The following NUP160 variants were observed in gnomAD, a reference collection of about 807,000 sequenced individuals.
NUP160 encodes the protein nucleoporin 160.
A neutral mutation model predicts 196.9 loss-of-function variants in NUP160; 94 were observed. The observed-to-expected ratio is 0.48, with a 90% CI of 0.40 to 0.57. The LOEUF (loss-of-function observed/expected upper bound fraction) is 0.57. Among genes scored for constraint, NUP160 ranks in the 20% least tolerant of loss-of-function variants. The probability of loss-of-function intolerance (pLI) is 0.00; values close to 1 mark genes in which losing one functional copy is unlikely to be tolerated. For synonymous variants in NUP160, 605 were observed against 619.7 expected (o/e 0.98, Z 0.35); for missense variants, 1,638 against 1,748.3 (o/e 0.94, Z 1.13).
intron 7 of NUP160, among the ~76,000 whole-genome samples, chr11:47,835,097 C>T (rs1426549300): frequency 1.3e-5 from 2 of 152,136 alleles, no homozygotes; most frequent in Non-Finnish European, 2.9e-5. Context: ...GAGACAGACC[C>T]TACCTCACTG....
intron 12 of NUP160, 97 bp from the exon 13 acceptor site, chr11:47,815,746 C>T: frequency 9.1e-7 from 1 of 1,096,488 alleles, no homozygotes; most frequent in South Asian, 1.6e-5. Flanking sequence ...TACTAAGCTA[C>T]AGCCAAATGA....
chr11:47,779,243 A>G (rs1244180324), intron 35 of NUP160, 49 bp from the exon 36 acceptor site: 2 of 1,229,258 alleles, frequency 1.6e-6, no homozygotes, highest in South Asian at 1.3e-5. Context: ...AACAATGGAA[A>G]AATATTGAAG....
intron 27 of NUP160, among the ~76,000 whole-genome samples, chr11:47,797,287 G>A (rs2135357006): frequency 6.6e-6 from 1 of 152,242 alleles, no homozygotes; most frequent in South Asian, 2.1e-4. Flanking sequence ...ATGGAGTGAA[G>A]TGGCGTGATC....
chr11:47,812,751 G>A (rs2097681898), intron 15 of NUP160, 131 bp downstream of exon 15: 1 of 675,690 alleles, frequency 1.5e-6, no homozygotes, highest in South Asian at 2.2e-5. Flanking sequence ...TATGTACTTA[G>A]AATCATGGCG....
At chr11:47,806,240 A>T (rs1322180991) in exon 20 of NUP160, 7 of 1,613,694 alleles carry the variant, frequency 4.3e-6, no homozygotes, top group Non-Finnish European at 5.9e-6. Context: ...TGGCTGAGAG[A>T]AGAGGTGAGA....
chr11:47,813,660 T>A (rs1180526778), intron 13 of NUP160, among the ~76,000 whole-genome samples: 5 of 149,292 alleles, frequency 3.3e-5, no homozygotes, highest in African/African-American at 9.9e-5. Context: ...TGAAACCCCA[T>A]CTCTAAAAAA....
rs373363585 is a variant in NUP160, at chr11:47,808,374, T to A, written c.2375+22A>T. The A allele has an allele frequency of 1.9e-5, 30 of 1,593,030 alleles. No homozygotes were observed. In the African/African-American group the frequency reaches 3.5e-4, roughly 19 times the overall value. On this transcript the variant is annotated intron_variant, in intron 18 of 35. Coordinates refer to ENST00000378460, the Ensembl canonical transcript of NUP160. ...TTAAACTCACAATTTACATTTTAAA[T>A]AATTGGGATAATGAAACTCACAGTG...
rs1354961071 is a variant in NUP160, at chr11:47,812,233, A to C, written c.2081-9T>G. On this transcript the variant is annotated splice_polypyrimidine_tract_variant and intron_variant, in intron 16 of 35. Transcript: ENST00000378460. ...AATATTCAAAGGCTGAGCTGTAAAA[A>C]GAAGAAAAATGGAGTTGAATGCATC... is the stretch of plus-strand genomic sequence containing the variant. 2 of 1,613,952 alleles carry C rather than the reference A, an allele frequency of 1.2e-6. No homozygotes were observed. Among genetic ancestry groups the C allele is most frequent in the Admixed American group, 3.3e-5 (2 of 59,994 alleles).
At chr11:47,826,792 A>C (rs1472218398) in intron 7 of NUP160, among the ~76,000 whole-genome samples, 1 of 152,006 alleles carries the variant, frequency 6.6e-6, no homozygotes, top group Non-Finnish European at 1.5e-5. Context: ...CGAACTCCTG[A>C]CCTCAGGTGA....
At chr11:47,811,261 C>A (rs1389464605) in intron 17 of NUP160, among the ~76,000 whole-genome samples, 1 of 152,122 alleles carries the variant, frequency 6.6e-6, no homozygotes, top group Non-Finnish European at 1.5e-5. Context: ...GTAATCCCAG[C>A]ACTTTGGGAG....
chr11:47,807,063 T>G lies in NUP160; in HGVS notation c.2446+7A>C, dbSNP rs1344109675. The G allele has an allele frequency of 1.3e-6, 2 of 1,593,226 alleles. No homozygotes were observed. Among genetic ancestry groups the G allele is most frequent in the Non-Finnish European group, 1.7e-6 (2 of 1,161,260 alleles). ...AAAATGAAATGTGTACATAGTCCAC[T>G]CCTTACCAAACCTATTTGCCATTAA... is the stretch of plus-strand genomic sequence containing the variant. On this transcript the variant is annotated splice_region_variant and intron_variant, in intron 19 of 35. Transcript: ENST00000378460.
At chr11:47,829,245 G>T (rs1852030404) in intron 7 of NUP160, among the ~76,000 whole-genome samples, 1 of 152,168 alleles carries the variant, frequency 6.6e-6, no homozygotes, top group Non-Finnish European at 1.5e-5. Context: ...ACTATATAAT[G>T]ATGCTTTGGT....
chr11:47,803,685 CCT>C lies in NUP160; in HGVS notation c.2677-151_2677-150del, dbSNP rs113882783. ...CATAATTCTGATATTAAAACCTACC[CCT>C]GTTGCCTTCCTTCTTCATCCATTCC... On this transcript the variant is annotated intron_variant, in intron 21 of 35. Transcript: ENST00000378460. 5,873 of 598,940 alleles carry C rather than the reference CCT, an allele frequency of 9.8e-3. 267 individuals carry two copies. The highest frequency in any genetic ancestry group is 0.097 in the African/African-American group (5,239 of 54,066). The allele number at this position is 598,940 out of a possible 1,614,324, so 37.1% of individuals were successfully genotyped here. A position where few individuals can be genotyped will look rare whatever the true frequency, so the allele number is the denominator to read the frequency against.
chr11:47,783,725 CTATT>C (rs1007851114), intron 33 of NUP160, among the ~76,000 whole-genome samples: 69 of 152,098 alleles, frequency 4.5e-4, no homozygotes, highest in African/African-American at 1.6e-3. Context: ...CCCTACTTTC[CTATT>C]TATTTATTTT....
At chr11:47,842,571 G>A (rs1352913613) in intron 2 of NUP160, among the ~76,000 whole-genome samples, 4 of 152,014 alleles carry the variant, frequency 2.6e-5, no homozygotes, top group Non-Finnish European at 5.9e-5. Flanking sequence ...TCTGCTACCC[G>A]AATCACTCAG....
At chr11:47,836,771 C>G in intron 6 of NUP160, 116 bp downstream of exon 6, 1 of 615,526 alleles carries the variant, frequency 1.6e-6, no homozygotes, top group Non-Finnish European at 2.9e-6. Flanking sequence ...TGGCAGTGAC[C>G]AATAAGTTCC....
intron 33 of NUP160, 139 bp from the exon 34 acceptor site, chr11:47,783,337 A>C: frequency 9.0e-7 from 1 of 1,106,272 alleles, no homozygotes; most frequent in Non-Finnish European, 1.3e-6. Flanking sequence ...ACTCATCTGT[A>C]TCTTAGGATA....
In NUP160 at chr11:47,782,298, AAAAAAATATATATATATATATATATAT is replaced by A. The variant is rs1433612800; in HGVS notation, c.4116+748_4116+774del. Among the ~76,000 whole-genome samples the A allele has an allele frequency of 3.4e-4, 18 of 53,300 alleles. 1 individual carries two copies. The highest frequency in any genetic ancestry group is 1.0e-3 in the South Asian group (2 of 1,956). 35.0% of individuals were successfully genotyped at this position (53,300 alleles called of 152,430 possible). A position where few individuals can be genotyped will look rare whatever the true frequency, so the allele number is the denominator to read the frequency against. ...CAGAGCAAAACTCAGTTAAAAAAAA[AAAAAAATATATATATATATATATATAT>A]ATATATATATATATATATATATATA... On this transcript the variant is annotated intron_variant, in intron 34 of 35. Coordinates refer to ENST00000378460, the Ensembl canonical transcript of NUP160.
In NUP160 at chr11:47,847,950, T is replaced by C. The variant is rs1294258344; in HGVS notation, c.212A>G (p.Asn71Ser). 19 of 1,613,790 alleles carry C rather than the reference T, an allele frequency of 1.2e-5. No homozygotes were observed. The highest frequency in any genetic ancestry group is 1.6e-5 in the Non-Finnish European group (19 of 1,179,806). Reference sequence around the variant, plus strand: ...GTATTTTACGGCGCCAGCCACGGCATTTGCAGTCCCTGCAAAATGAACGTG... The same window carrying C: ...GTATTTTACGGCGCCAGCCACGGCACTTGCAGTCCCTGCAAAATGAACGTG... Residue 71 changes from asparagine (N) to serine (S), a missense_variant, in exon 2 of 36, where the codon AAT (asparagine) becomes AGT (serine). Asn to Ser is a conservative substitution (Grantham distance 46, BLOSUM62 1). This residue lies in a region of NUP160 where 287 missense variants were observed against 259.5 expected (regional missense o/e 1.11). Transcript: ENST00000378460.
Sources: gnomAD v4.1 joint callset for allele counts (sites outside exome capture counted in the v4.1 genomes callset) on GRCh38, gnomAD v4.1.1 for gene constraint, gnomAD v4.1.1 regional missense constraint, MANE v1.5 for transcripts, NCBI Gene and HGNC (gene_info 2026-07-23, HGNC 2026-07-21) for gene names.